The following NCKAP5 variants were observed in gnomAD, a reference collection of about 807,000 sequenced individuals.
The protein encoded by NCKAP5 is NCK associated protein 5.
NCKAP5 carries 92 observed loss-of-function variants against 167.0 expected under a neutral mutation model. That is an observed-to-expected ratio of 0.55 (90% CI 0.47 to 0.66). The LOEUF is 0.66. Ranked by LOEUF, NCKAP5 falls within the 30% of genes least tolerant of loss-of-function variation. The probability of loss-of-function intolerance (pLI) is 0.00; values close to 1 mark genes in which losing one functional copy is unlikely to be tolerated. For synonymous variants in NCKAP5, 891 were observed against 877.4 expected (o/e 1.02, Z -0.27); for missense variants, 2,378 against 2,315.0 (o/e 1.03, Z -0.56).
chr2:133,432,241 T>C (rs1395532794), intron 3 of NCKAP5, among the ~76,000 whole-genome samples: 1 of 152,198 alleles, frequency 6.6e-6, no homozygotes, highest in Non-Finnish European at 1.5e-5. Context: ...CATTATAGTT[T>C]CATGAGATAA....
the NCKAP5 span, among the ~76,000 whole-genome samples, chr2:133,649,615 T>A: frequency 2.0e-5 from 3 of 152,022 alleles, no homozygotes; most frequent in African/African-American, 7.2e-5. Context: ...CTACACCACA[T>A]TAACAGAATA....
intron 9 of NCKAP5, among the ~76,000 whole-genome samples, chr2:132,872,721 T>A (rs1417089306): frequency 6.6e-6 from 1 of 152,192 alleles, no homozygotes; most frequent in African/African-American, 2.4e-5. Flanking sequence ...ACAAAGTAAC[T>A]GAAAAATCTC....
chr2:132,690,802 C>T (rs1686637392), intron 19 of NCKAP5, among the ~76,000 whole-genome samples: 1 of 152,130 alleles, frequency 6.6e-6, no homozygotes, highest in African/African-American at 2.4e-5. Context: ...GCATTTCTCC[C>T]CTTCTCTGTG....
At chr2:133,223,848 A>G (rs1046040103) in intron 4 of NCKAP5, among the ~76,000 whole-genome samples, 2 of 152,208 alleles carry the variant, frequency 1.3e-5, no homozygotes, top group African/African-American at 4.8e-5. Flanking sequence ...CCAACATTGG[A>G]AAAGCACAAG....
the NCKAP5 span, among the ~76,000 whole-genome samples, chr2:133,661,242 T>C: frequency 1.3e-5 from 2 of 152,226 alleles, no homozygotes; most frequent in Admixed American, 6.5e-5. Flanking sequence ...CAAGGATCAC[T>C]GTGGAGCATC....
At chr2:133,236,713 C>T (rs562807803) in intron 4 of NCKAP5, among the ~76,000 whole-genome samples, 19 of 152,306 alleles carry the variant, frequency 1.2e-4, no homozygotes, top group African/African-American at 4.3e-4. Flanking sequence ...AATATGCTAT[C>T]AACTCTGCTA....
chr2:133,658,012 G>C, the NCKAP5 span, among the ~76,000 whole-genome samples: 2 of 152,304 alleles, frequency 1.3e-5, no homozygotes, highest in East Asian at 3.9e-4. Context: ...GATAAAGGGA[G>C]TATTCATAGG....
chr2:133,589,622 G>A, the NCKAP5 span, among the ~76,000 whole-genome samples: 2 of 152,180 alleles, frequency 1.3e-5, no homozygotes, highest in South Asian at 4.1e-4. Context: ...AAATAAAGAA[G>A]AAAAGATATT....
intron 4 of NCKAP5, among the ~76,000 whole-genome samples, chr2:133,302,749 T>C (rs1680474499): frequency 6.8e-6 from 1 of 147,800 alleles, no homozygotes; most frequent in African/African-American, 2.5e-5. Flanking sequence ...ACCTGCACAA[T>C]GTGCACATGT....
Position 133,346,435 on chromosome 2 carries a change from G to A in NCKAP5, c.70-43325C>T, listed in dbSNP as rs542861471. 4.6e-5 allele frequency among the ~76,000 whole-genome samples: 7 copies of A among 152,338 alleles called. No individual in the cohort carries two copies. In the East Asian group the frequency reaches 5.8e-4, roughly 13 times the overall value. On this transcript the variant is annotated intron_variant, in intron 3 of 19. Coordinates refer to ENST00000409261, the MANE Select transcript of NCKAP5 (RefSeq NM_207363.3). ...GGGCCACATACGAGTTTGCTGAGAC[G>A]TGTGAGATTAAGAGATTTGGGTACT...
chr2:133,314,155 C>T (rs1407668292), intron 3 of NCKAP5, among the ~76,000 whole-genome samples: 1 of 152,110 alleles, frequency 6.6e-6, no homozygotes. Context: ...CCTGGGAGTC[C>T]AGTGAAGCCA....
chr2:133,280,110 T>C (rs1053714323), intron 4 of NCKAP5, among the ~76,000 whole-genome samples: 2 of 152,236 alleles, frequency 1.3e-5, no homozygotes, highest in South Asian at 4.1e-4. Flanking sequence ...TATGCCTATA[T>C]GCTACTTTTA....
At chr2:133,631,358 G>A in the NCKAP5 span, among the ~76,000 whole-genome samples, 45 of 152,308 alleles carry the variant, frequency 3.0e-4, no homozygotes, top group East Asian at 6.8e-3. Flanking sequence ...GAGCAAATAC[G>A]TAAATGCATT....
chr2:132,837,697 A>G (rs1324974037), intron 11 of NCKAP5, among the ~76,000 whole-genome samples: 1 of 152,080 alleles, frequency 6.6e-6, no homozygotes, highest in African/African-American at 2.4e-5. Context: ...GTGTCTGGTA[A>G]CTTTTGACTA....
At chr2:132,812,239 G>A (rs115871741) in intron 11 of NCKAP5, among the ~76,000 whole-genome samples, 2,002 of 152,288 alleles carry the variant, frequency 0.013, 19 homozygotes, top group Non-Finnish European at 0.019. Flanking sequence ...GCAAGCCTCC[G>A]CATGCTGCCT....
intron 6 of NCKAP5, among the ~76,000 whole-genome samples, chr2:133,052,617 C>T (rs745677306): frequency 1.8e-4 from 27 of 151,684 alleles, no homozygotes; most frequent in Non-Finnish European, 2.9e-4. Context: ...ACCCAAGAGA[C>T]TCAGGCAGGA....
the NCKAP5 span, among the ~76,000 whole-genome samples, chr2:133,631,060 T>C: frequency 5.9e-5 from 9 of 152,282 alleles, no homozygotes; most frequent in East Asian, 3.9e-4. Flanking sequence ...AACTATAGAT[T>C]TGAAGATCAT....
chr2:133,034,525 T>TAA (rs147588360), intron 6 of NCKAP5, among the ~76,000 whole-genome samples: 5,114 of 152,160 alleles, frequency 0.034, 262 homozygotes, highest in African/African-American at 0.12. Flanking sequence ...GTAGAAAGAC[T>TAA]AAATGATGAA....
intron 3 of NCKAP5, among the ~76,000 whole-genome samples, chr2:133,389,818 C>A (rs1052094049): frequency 6.6e-6 from 1 of 152,214 alleles, no homozygotes; most frequent in African/African-American, 2.4e-5. Context: ...GAACTCAATT[C>A]TTTTCACACA....
Sources: allele counts gnomAD v4.1 joint callset (sites outside exome capture counted in the v4.1 genomes callset), GRCh38; gene constraint gnomAD v4.1.1; transcripts MANE v1.5; gene names NCBI Gene and HGNC (gene_info 2026-07-23, HGNC 2026-07-21).